EVI5: variants seen among roughly 807,000 people sequenced by gnomAD.
EVI5 encodes ecotropic viral integration site 5, also known as ecotropic viral integration site 5 protein homolog.
A neutral mutation model predicts 112.0 loss-of-function variants in EVI5; 73 were observed. The ratio of observed to expected loss-of-function variants is 0.65; its 90% CI spans 0.54 to 0.79. The LOEUF is 0.79. Among genes scored for constraint, EVI5 ranks in the 30% least tolerant of loss-of-function variants. The pLI is 0.00. For missense variants in EVI5, 900 were observed against 968.8 expected (o/e 0.93, Z 0.94); for synonymous variants, 305 against 319.9 (o/e 0.95, Z 0.50).
chr1:92,752,409 A>C (rs1274377787), intron 1 of EVI5, among the ~76,000 whole-genome samples: 1 of 152,098 alleles, frequency 6.6e-6, no homozygotes, highest in East Asian at 1.9e-4. Flanking sequence ...TCCTGGCCTC[A>C]AGTGATTTGC....
upstream of EVI5, among the ~76,000 whole-genome samples, chr1:92,788,095 A>T (rs79939431): frequency 1.1e-4 from 17 of 152,280 alleles, no homozygotes; most frequent in African/African-American, 3.6e-4. Context: ...CTTGATAGGG[A>T]TGTGAGTTAC....
chr1:92,718,726 A>G (rs1270270960), intron 2 of EVI5, among the ~76,000 whole-genome samples: 1 of 152,104 alleles, frequency 6.6e-6, no homozygotes, highest in Non-Finnish European at 1.5e-5. Flanking sequence ...GACACAAAAA[A>G]CCCTTCAAAA....
rs1465238441 is a variant in EVI5 at position 92,703,537 on chromosome 1, T to C, written c.422A>G (p.Lys141Arg). The C allele has an allele frequency of 7.5e-6, 12 of 1,602,594 alleles. No individual in the cohort carries two copies. Among genetic ancestry groups the C allele is most frequent in the South Asian group, 2.3e-5 (2 of 87,940 alleles). Residue 141 changes from lysine to arginine, a missense_variant, in exon 4 of 20, where the codon AAG becomes AGG. Coordinates refer to ENST00000684568, the MANE Select transcript of EVI5 (RefSeq NM_001350197.2). ...LLCSAQSMPI[K>R]DQYSELLKMT... ...TTTCAGGAGTTCTGAATACTGATCC[T>C]TAATTGGCATACTTTGTGCACTGCA...
intron 1 of EVI5, among the ~76,000 whole-genome samples, chr1:92,750,738 T>A (rs1385409965): frequency 6.6e-6 from 1 of 152,208 alleles, no homozygotes; most frequent in Non-Finnish European, 1.5e-5. Context: ...TAATATTTTA[T>A]CTGTTGACTT....
At chr1:92,563,500 T>C in intron 19 of EVI5, 142 bp downstream of exon 19, 1 of 453,870 alleles carries the variant, frequency 2.2e-6, no homozygotes, top group East Asian at 3.3e-5. Flanking sequence ...AAGACAATTT[T>C]CAAAAATGTT....
chr1:92,692,699 T>C lies in EVI5; in HGVS notation c.1097+1103A>G, dbSNP rs554041533. ...CATCATTGTGCATGGAAAAGCTAAC[T>C]AATTTTAATAACATTAATTCTCACT... On this transcript the variant is annotated intron_variant, in intron 9 of 19. Coordinates refer to ENST00000684568, the MANE Select transcript of EVI5 (RefSeq NM_001350197.2). 6.6e-5 allele frequency among the ~76,000 whole-genome samples: 10 copies of C among 152,320 alleles called. No individual in the cohort carries two copies. In the South Asian group the frequency reaches 2.1e-3, roughly 32 times the overall value.
At chr1:92,636,617 T>A (rs1658890402) in intron 13 of EVI5, among the ~76,000 whole-genome samples, 1 of 152,232 alleles carries the variant, frequency 6.6e-6, no homozygotes, top group Non-Finnish European at 1.5e-5. Context: ...TCTCCTTTTA[T>A]CTGTCCATCC....
intron 19 of EVI5, among the ~76,000 whole-genome samples, chr1:92,536,788 A>G (rs1663977876): frequency 6.6e-6 from 1 of 152,182 alleles, no homozygotes; most frequent in South Asian, 2.1e-4. Flanking sequence ...TAGAGGAGAC[A>G]ATGTGCTGTG....
intron 10 of EVI5, among the ~76,000 whole-genome samples, chr1:92,667,327 C>T (rs933815659): frequency 6.6e-6 from 1 of 151,996 alleles, no homozygotes; most frequent in African/African-American, 2.4e-5. Flanking sequence ...TCAATAGTCT[C>T]CATTTATTAT....
At chr1:92,673,992 T>A (rs1004655611) in intron 10 of EVI5, among the ~76,000 whole-genome samples, 19 of 152,140 alleles carry the variant, frequency 1.2e-4, no homozygotes, top group African/African-American at 4.6e-4. Flanking sequence ...TCAAACAATT[T>A]GATGATCATA....
At chr1:92,694,224 C>T (rs1669953032) in intron 8 of EVI5, 75 bp downstream of exon 8, 1 of 835,660 alleles carries the variant, frequency 1.2e-6, no homozygotes. Context: ...AAGATCACGC[C>T]ACTGCACTCC....
rs537219137 is a variant in EVI5, at chr1:92,548,612, A to C, written c.2166+15030T>G. 7.0e-4 allele frequency among the ~76,000 whole-genome samples: 106 copies of C among 152,332 alleles called. 1 individual carries two copies. The highest frequency in any genetic ancestry group is 4.1e-3 in the South Asian group (20 of 4,820). On this transcript the variant is annotated intron_variant, in intron 19 of 19. Coordinates refer to ENST00000684568, the MANE Select transcript of EVI5 (RefSeq NM_001350197.2). ...TTAGAAAACCCCATCGTCTCAGCCC[A>C]AAATCTCCTTAAGCTGATAAGCAAC...
At chr1:92,644,944 A>T (rs978906497) in intron 13 of EVI5, among the ~76,000 whole-genome samples, 1 of 152,168 alleles carries the variant, frequency 6.6e-6, no homozygotes, top group African/African-American at 2.4e-5. Flanking sequence ...TTCTATCTTC[A>T]TAAATCTTCC....
At chr1:92,753,693 A>C (rs761571139) in intron 1 of EVI5, among the ~76,000 whole-genome samples, 2 of 152,148 alleles carry the variant, frequency 1.3e-5, no homozygotes, top group African/African-American at 2.4e-5. Context: ...GGTTACAAGA[A>C]CTAAAAAGTA....
rs543406234 is a variant in EVI5, at chr1:92,636,626, C to A, written c.1393-290G>T. 1.6e-4 allele frequency among the ~76,000 whole-genome samples: 24 copies of A among 152,306 alleles called. No homozygotes were observed. The East Asian group carries it at 4.6e-3, about 29-fold the overall frequency. ...TAAACATCTCCTTTTATCTGTCCAT[C>A]CATCCAGATACAAAGAATTTTTTCT... On this transcript the variant is annotated intron_variant, in intron 13 of 19. Coordinates refer to ENST00000684568, the MANE Select transcript of EVI5 (RefSeq NM_001350197.2).
In EVI5 at chr1:92,720,891, A is replaced by C. The variant is rs540068116; in HGVS notation, c.149+15507T>G. On this transcript the variant is annotated intron_variant, in intron 2 of 19. Coordinates refer to ENST00000684568, the MANE Select transcript of EVI5 (RefSeq NM_001350197.2). Reference sequence around the variant, plus strand: ...GTTATAAACAGACACTTCTCAAAAGAAGACATTTATGCAGCATACAAATGA... The same window carrying C: ...GTTATAAACAGACACTTCTCAAAAGCAGACATTTATGCAGCATACAAATGA... Among the ~76,000 whole-genome samples, 3 of 152,390 alleles carry C rather than the reference A, an allele frequency of 2.0e-5. No homozygotes were observed. The East Asian group carries it at 5.8e-4, about 29-fold the overall frequency.
intron 10 of EVI5, among the ~76,000 whole-genome samples, chr1:92,669,564 A>AAAAAAAAAAAAAAAAAAAAAACC (rs1665516008): frequency 1.3e-5 from 2 of 149,348 alleles, no homozygotes; most frequent in Non-Finnish European, 3.0e-5. Flanking sequence ...AAAAAAAATC[A>AAAAAAAAAAAAAAAAAAAAAACC]CTGGGAAATT....
intron 16 of EVI5, among the ~76,000 whole-genome samples, chr1:92,610,889 T>A (rs564704916): frequency 1.3e-5 from 2 of 151,258 alleles, no homozygotes; most frequent in Non-Finnish European, 2.9e-5. Context: ...CAGGTGGGAA[T>A]TGAACAATGA....
intron 18 of EVI5, among the ~76,000 whole-genome samples, chr1:92,590,490 C>A (rs1028857253): frequency 1.3e-5 from 2 of 152,044 alleles, no homozygotes; most frequent in African/African-American, 4.8e-5. Context: ...GTAGCCGATT[C>A]GGTCAAGTGG....
Sources: gnomAD v4.1 joint callset for allele counts (sites outside exome capture counted in the v4.1 genomes callset) on GRCh38, gnomAD v4.1.1 for gene constraint, MANE v1.5 for transcripts, NCBI Gene and HGNC (gene_info 2026-07-23, HGNC 2026-07-21) for gene names.